Variants in IPO4 observed in about 807,000 individuals in gnomAD.
IPO4 encodes the protein importin 4.
A neutral mutation model predicts 133.5 loss-of-function variants in IPO4; 91 were observed. The observed-to-expected ratio is 0.68, with a 90% CI of 0.58 to 0.81. IPO4 has a LOEUF of 0.81. Among genes scored for constraint, IPO4 ranks in the 30% least tolerant of loss-of-function variants. IPO4 has a pLI of 0.00. For synonymous variants in IPO4, 607 were observed against 581.6 expected (o/e 1.04, Z -0.63); for missense variants, 1,279 against 1,386.2 (o/e 0.92, Z 1.23).
In IPO4 at chr14:24,184,301, C is replaced by G. The variant is rs1288276146; in HGVS notation, c.1754G>C (p.Cys585Ser). ...DQVDDPDLRR[C>S]TYSLFAALSG... ...GGCAGGGTGAGGGGTCACTCACGTGCAGCGCCGCAAGTCAGGGTCGTCTAC... is the reference window on the plus strand; with the variant it reads ...GGCAGGGTGAGGGGTCACTCACGTGGAGCGCCGCAAGTCAGGGTCGTCTAC... The change falls in exon 17 of 30, where the codon TGC becomes TCC. Residue 585 changes from cysteine (C) to serine (S), a missense_variant. Cys to Ser is a moderately radical substitution (Grantham distance 112, BLOSUM62 -1). Coordinates refer to ENST00000354464, the MANE Select transcript of IPO4 (RefSeq NM_024658.4). 7 of 1,581,942 alleles carry G rather than the reference C, an allele frequency of 4.4e-6. No homozygotes were observed. In the South Asian group the frequency reaches 8.0e-5, roughly 18 times the overall value.
Position 24,183,466 on chromosome 14 carries a change from TTAAA to T in IPO4, c.2107_2110del (p.Phe703AsnfsTer8). 1 of 1,612,786 alleles carries T rather than the reference TTAAA, an allele frequency of 6.2e-7. No homozygotes were observed. Among genetic ancestry groups the T allele is most frequent in the African/African-American group, 1.3e-5 (1 of 75,012 alleles). The stretch of plus-strand genomic sequence containing the variant: ...CGCCGGCCCGCTCACCTCCAGCAGT[TTAAA>T]TACTTCTTCAAAGACACTTTCCATG... On this transcript the variant is annotated frameshift_variant, in exon 21 of 30. Transcript: ENST00000354464. LOFTEE classifies it high-confidence loss of function.
Position 24,187,454 on chromosome 14 carries a change from G to A in IPO4, c.534C>T (p.Phe178=), listed in dbSNP as rs769998172. 5.0e-6 allele frequency: 8 copies of A among 1,614,062 alleles called. No homozygotes were observed. The highest frequency in any genetic ancestry group is 1.7e-5 in the Admixed American group (1 of 60,004). The change falls in exon 6 of 30, where the codon TTC becomes TTT. Residue 178 remains phenylalanine, a synonymous_variant. Transcript: ENST00000354464. ...TGGTGGTCAGAGTGCGCAGGGAGTAGAAGAGCAGCCCAGGAGAGCCCACCT... is the reference window on the plus strand; with the variant it reads ...TGGTGGTCAGAGTGCGCAGGGAGTAAAAGAGCAGCCCAGGAGAGCCCACCT... ...LGEVGSPGLL[F]YSLRTLTTMA...
chr14:24,186,054 T>C, intron 11 of IPO4, 75 bp downstream of exon 11: 1 of 1,599,634 alleles, frequency 6.3e-7, no homozygotes, highest in Non-Finnish European at 8.6e-7. Flanking sequence ...CCTCCCAGGG[T>C]CTAAACGTCG....
intron 28 of IPO4, 51 bp from the exon 29 acceptor site, chr14:24,180,809 T>G: frequency 1.9e-6 from 3 of 1,567,218 alleles, no homozygotes; most frequent in African/African-American, 1.4e-5. Context: ...ACCCCAGGTC[T>G]AGGAGGGTGG....
Position 24,188,775 on chromosome 14 carries a change from CG to C in IPO4, c.12del (p.Leu6Ter). On this transcript the variant is annotated frameshift_variant, in exon 1 of 30. Transcript: ENST00000354464. LOFTEE classifies it high-confidence loss of function. MES[A>X]GLEQLLRELL... is the part of the protein sequence containing the mutation. Reference sequence around the variant, plus strand: ...AGCTCCCGTAGGAGCTGCTCTAGCCCGGCTGACTCCATGGCAGCAACTGAGC... The same window carrying C: ...AGCTCCCGTAGGAGCTGCTCTAGCCCGCTGACTCCATGGCAGCAACTGAGC... 1 of 1,510,404 alleles carries C rather than the reference CG, an allele frequency of 6.6e-7. No individual in the cohort carries two copies. The highest frequency in any genetic ancestry group is 8.8e-7 in the Non-Finnish European group (1 of 1,131,320). The allele number at this position is 1,510,404 out of a possible 1,614,324, so 93.6% of individuals were successfully genotyped here.
rs148297441 is a variant in IPO4, at chr14:24,181,456, C to A, written c.3045+57G>T. ...TCCCGAGCCTCATCAGCAGACAGTG[C>A]CTATCACTGAGTGGAGCGGCACGTT... On this transcript the variant is annotated intron_variant, in intron 28 of 29. Coordinates refer to ENST00000354464, the MANE Select transcript of IPO4 (RefSeq NM_024658.4). The A allele has an allele frequency of 6.3e-4, 888 of 1,415,702 alleles. 5 individuals are homozygous for A. The highest frequency in any genetic ancestry group is 6.2e-3 in the East Asian group (251 of 40,210). The allele number at this position is 1,415,702 out of a possible 1,614,324, so 87.7% of individuals were successfully genotyped here. A position where few individuals can be genotyped will look rare whatever the true frequency, so the allele number is the denominator to read the frequency against.
Position 24,185,536 on chromosome 14 carries a change from T to C in IPO4, c.1201A>G (p.Lys401Glu), listed in dbSNP as rs1397629653. 1.2e-6 allele frequency: 2 copies of C among 1,614,048 alleles called. No homozygotes were observed. The highest frequency in any genetic ancestry group is 2.2e-5 in the East Asian group (1 of 44,898). ...ACTTGCGAGGGGTCCTCCAGGCCCT[T>C]GCACACAATCTGCAGCAGTGGGGGC... Reference protein sequence around the residue: ...LLPPLLQIVCKGLEDPSQVVR... With the variant: ...LLPPLLQIVCEGLEDPSQVVR... Residue 401 changes from lysine to glutamate, a missense_variant, in exon 13 of 30, where the codon AAG becomes GAG. Physicochemically the swap from Lys to Glu is moderately conservative, Grantham distance 56. This residue lies in a region of IPO4 where 695 missense variants were observed against 704.1 expected (regional missense o/e 0.99). Transcript: ENST00000354464.
At position 24,183,772 on chromosome 14, in the gene IPO4, C is replaced by G. The variant is rs766446096; in HGVS notation, c.1985+11G>C. 59 of 1,614,016 alleles carry G rather than the reference C, an allele frequency of 3.7e-5. 1 individual carries two copies. Among genetic ancestry groups the G allele is most frequent in the Middle Eastern group, 3.3e-4 (2 of 6,084 alleles). Reference sequence around the variant, plus strand: ...GTCTAGATTCCTGATCAGAAGAGCACCCCTCCGCACCCTGAGATCTCTGAG... The same window carrying G: ...GTCTAGATTCCTGATCAGAAGAGCAGCCCTCCGCACCCTGAGATCTCTGAG... On this transcript the variant is annotated intron_variant, in intron 19 of 29. Coordinates refer to ENST00000354464, the MANE Select transcript of IPO4 (RefSeq NM_024658.4).
At position 24,187,783 on chromosome 14, in the gene IPO4, G is replaced by A. The variant is rs754225651; in HGVS notation, c.292C>T (p.Leu98Phe). ...GTGGCTGAGAGCTGGGCCAGGCTGA[G>A]GCTCACACAGTGCCTGCAAACAGGA... ...LQRETEHCVS[L>F]SLAQLSATIF... The change falls in exon 5 of 30, where the codon CTC becomes TTC. Residue 98 changes from leucine (L) to phenylalanine (F), a missense_variant. Leu to Phe is a conservative substitution (Grantham distance 22, BLOSUM62 0). Coordinates refer to ENST00000354464, the MANE Select transcript of IPO4 (RefSeq NM_024658.4). 3.1e-6 allele frequency: 5 copies of A among 1,614,026 alleles called. No homozygotes were observed. The highest frequency in any genetic ancestry group is 2.2e-5 in the East Asian group (1 of 44,894).
chr14:24,185,621 A>AG, intron 12 of IPO4, 54 bp from the exon 13 acceptor site: 2 of 1,481,862 alleles, frequency 1.3e-6, no homozygotes, highest in Non-Finnish European at 1.9e-6. Context: ...TGAGAGCCCT[A>AG]GGCTGACCTG....
chr14:24,187,183 C>T (rs1446535566), intron 6 of IPO4, 33 bp from the exon 7 acceptor site: 5 of 1,603,164 alleles, frequency 3.1e-6, no homozygotes, highest in South Asian at 1.1e-5. Flanking sequence ...CATGATGCAG[C>T]CCAATCTCAC....
chr14:24,185,828 G>A, intron 12 of IPO4, 33 bp downstream of exon 12: 1 of 1,534,928 alleles, frequency 6.5e-7, no homozygotes, highest in Middle Eastern at 1.7e-4. Context: ...CTCCCTGTGG[G>A]CAACCCTCAC....
At position 24,183,604 on chromosome 14, in the gene IPO4, G is replaced by C. The variant is rs779970907; in HGVS notation, c.2049C>G (p.Ile683Met). The change falls in exon 20 of 30, where the codon ATC becomes ATG. Residue 683 changes from isoleucine (I) to methionine (M), a missense_variant. Physicochemically the swap from Ile to Met is conservative, Grantham distance 10. This residue lies in a region of IPO4 where 575 missense variants were observed against 653.4 expected (regional missense o/e 0.88). Coordinates refer to ENST00000354464, the MANE Select transcript of IPO4 (RefSeq NM_024658.4). ...CGAATGCTCACCTGGTGTTCACAGA[G>C]ATCTCCCCCACGGCAGCACAGGTGT... ...KEDTCAAVGE[I>M]SVNTSVAFLP... 3 of 1,614,176 alleles carry C rather than the reference G, an allele frequency of 1.9e-6. No homozygotes were observed. Among genetic ancestry groups the C allele is most frequent in the Non-Finnish European group, 2.5e-6 (3 of 1,180,024 alleles).
At chr14:24,185,834 C>T in intron 12 of IPO4, 27 bp downstream of exon 12, 1 of 1,570,428 alleles carries the variant, frequency 6.4e-7, no homozygotes, top group Non-Finnish European at 8.8e-7. Context: ...GTGGGCAACC[C>T]TCACCCTGGG....
In IPO4 at chr14:24,188,338, G is replaced by A. The variant is rs1201437751; in HGVS notation, c.236+6C>T. The A allele has an allele frequency of 1.6e-5, 25 of 1,611,966 alleles. No individual in the cohort carries two copies. The highest frequency in any genetic ancestry group is 2.1e-5 in the Non-Finnish European group (25 of 1,178,656). ...CTGGCCCCGCCCCACCCCAGGCCCA[G>A]CCCACCTCTCCCGTTGCTCCGCCGC... On this transcript the variant is annotated splice_donor_region_variant and intron_variant, in intron 3 of 29. Coordinates refer to ENST00000354464, the MANE Select transcript of IPO4 (RefSeq NM_024658.4).
chr14:24,184,390 C>T lies in IPO4; in HGVS notation c.1665G>A (p.Val555=), dbSNP rs759482279. The T allele has an allele frequency of 2.4e-5, 39 of 1,609,278 alleles. No individual in the cohort carries two copies. Among genetic ancestry groups the T allele is most frequent in the African/African-American group, 9.3e-5 (7 of 74,876 alleles). ...LETLGVLARA[V]GEPMRPLAEE... The stretch of plus-strand genomic sequence containing the variant: ...CAGCCAGCGGCCTCATGGGCTCCCC[C>T]ACTGCTCGTGCCAGCACCCCCAGTG... Residue 555 remains valine, a synonymous_variant, in exon 17 of 30, where the codon GTG becomes GTA. Transcript: ENST00000354464.
Position 24,185,004 on chromosome 14 carries a change from C to A in IPO4, c.1409-24G>T, listed in dbSNP as rs768200980. ...CCCTGTGGGAAAGGATGCTCCTCTA[C>A]CAACCAACCCAGGTCTGCTACCTGC... On this transcript the variant is annotated intron_variant, in intron 14 of 29. Coordinates refer to ENST00000354464, the MANE Select transcript of IPO4 (RefSeq NM_024658.4). The A allele has an allele frequency of 1.7e-5, 27 of 1,609,080 alleles. No homozygotes were observed. The Admixed American group carries it at 4.5e-4, about 27-fold the overall frequency.
At chr14:24,187,310 A>C in intron 6 of IPO4, 90 bp downstream of exon 6, 1 of 1,525,936 alleles carries the variant, frequency 6.6e-7, no homozygotes, top group Non-Finnish European at 9.0e-7. Context: ...CAGGCAGGTA[A>C]AGAATCCAAA....
In IPO4 at chr14:24,187,516, G is replaced by C. The variant is rs141648284; in HGVS notation, c.472C>G (p.Arg158Gly). The C allele has an allele frequency of 1.5e-5, 25 of 1,614,160 alleles. No homozygotes were observed. Among genetic ancestry groups the C allele is most frequent in the Non-Finnish European group, 2.1e-5 (25 of 1,180,024 alleles). ...SRPEAFQPHH[R>G]ELLRLLNETL... ...TCATTCAGAAGCCGAAGAAGCTCCC[G>C]GTGGTGGGGTTGGAAGGCCTCGGGC... Residue 158 changes from arginine to glycine, a missense_variant, in exon 6 of 30, where the codon CGG becomes GGG. This residue lies in a region of IPO4 where 695 missense variants were observed against 704.1 expected (regional missense o/e 0.99). Coordinates refer to ENST00000354464, the MANE Select transcript of IPO4 (RefSeq NM_024658.4).
Sources: gnomAD v4.1 joint callset for allele counts on GRCh38, gnomAD v4.1.1 for gene constraint, gnomAD v4.1.1 regional missense constraint, MANE v1.5 for transcripts, NCBI Gene and HGNC (gene_info 2026-07-23, HGNC 2026-07-21) for gene names.